Variants in NDEL1 observed in about 807,000 individuals in gnomAD.
NDEL1 encodes nudE neurodevelopment protein 1 like 1, also known as nuclear distribution protein nudE-like 1.
Under a neutral mutation model 45.7 loss-of-function variants are expected in NDEL1, and 9 were observed. The observed-to-expected ratio is 0.20, with a 90% CI of 0.12 to 0.34. The LOEUF (loss-of-function observed/expected upper bound fraction) is 0.34, where lower values mean the gene tolerates loss of function less well. Ranked by LOEUF, NDEL1 falls within the 10% of genes least tolerant of loss-of-function variation. The pLI, the probability that NDEL1 is intolerant of heterozygous loss-of-function variation, is 1.00. For synonymous variants in NDEL1, 133 were observed against 158.6 expected (o/e 0.84, Z 1.21); for missense variants, 306 against 406.2 (o/e 0.75, Z 2.12).
chr17:8,454,763 A>C (rs758518825), intron 6 of NDEL1, 33 bp from the exon 7 acceptor site: 1 of 1,539,284 alleles, frequency 6.5e-7, no homozygotes, highest in Non-Finnish European at 8.9e-7. Flanking sequence ...AGGGAACTGC[A>C]AGTGTAATCA....
chr17:8,466,779 C>G, intron 8 of NDEL1, 151 bp from the exon 9 acceptor site: 1 of 691,318 alleles, frequency 1.4e-6, no homozygotes, highest in Non-Finnish European at 2.4e-6. Flanking sequence ...TGGTGCTTTC[C>G]AGGCAGCCAG....
In NDEL1 at chr17:8,450,904, A is replaced by T. The variant is rs376389663; in HGVS notation, c.651A>T (p.Pro217=). ...DSAVQASLSL[P]ATPVGKGTEN... ...CCGTCCAAGCATCACTTTCTTTGCC[A>T]GCTACCCCTGTTGGCAAAGGAACGG... The change falls in exon 6 of 9, where the codon CCA becomes CCT. Residue 217 remains proline, a synonymous_variant. Coordinates refer to ENST00000334527, the MANE Select transcript of NDEL1 (RefSeq NM_030808.5). 7.4e-5 allele frequency: 119 copies of T among 1,612,628 alleles called. No homozygotes were observed. The highest frequency in any genetic ancestry group is 9.6e-5 in the Non-Finnish European group (113 of 1,179,546).
At chr17:8,450,542 A>T (rs912801356) in intron 5 of NDEL1, among the ~76,000 whole-genome samples, 1 of 152,202 alleles carries the variant, frequency 6.6e-6, no homozygotes, top group Non-Finnish European at 1.5e-5. Flanking sequence ...TTCTTTTTGC[A>T]TATAAGCATA....
At chr17:8,417,367 CTCTTTTTTCTTTT>C (rs1314156289) in intron 1 of NDEL1, among the ~76,000 whole-genome samples, 1 of 152,170 alleles carries the variant, frequency 6.6e-6, no homozygotes. Context: ...TGTGCGCAGC[CTCTTTTTTCTTTT>C]TCTTTTCCTG....
chr17:8,456,260 C>T (rs1160723042), intron 7 of NDEL1, among the ~76,000 whole-genome samples: 1 of 152,168 alleles, frequency 6.6e-6, no homozygotes, highest in African/African-American at 2.4e-5. Flanking sequence ...GTAAAGTGCA[C>T]AGGTCGTTCC....
chr17:8,423,073 C>T (rs1480675663), intron 1 of NDEL1, among the ~76,000 whole-genome samples: 1 of 152,168 alleles, frequency 6.6e-6, no homozygotes, highest in Non-Finnish European at 1.5e-5. Context: ...TGTTGTATCT[C>T]ATAGGGATGG....
At chr17:8,447,982 C>CGGGG (rs34891973) in intron 4 of NDEL1, among the ~76,000 whole-genome samples, 2 of 107,794 alleles carry the variant, frequency 1.9e-5, no homozygotes, top group African/African-American at 7.1e-5. Flanking sequence ...GGGAGGTGGG[C>CGGGG]GGGGGGGGGG....
At chr17:8,417,886 G>C (rs2151691937) in intron 1 of NDEL1, among the ~76,000 whole-genome samples, 1 of 152,332 alleles carries the variant, frequency 6.6e-6, no homozygotes, top group African/African-American at 2.4e-5. Flanking sequence ...GCTGGGGTGG[G>C]AGAGAAGTAG....
At chr17:8,433,944 A>C (rs1297751021), upstream of NDEL1, among the ~76,000 whole-genome samples, 1 of 152,164 alleles carries the variant, frequency 6.6e-6, no homozygotes, top group African/African-American at 2.4e-5. Context: ...CCCTTCTCTG[A>C]TCTTTATTGA....
intron 8 of NDEL1, chr17:8,464,130 A>C (rs1457604750): frequency 1.3e-5 from 2 of 151,892 alleles, no homozygotes; most frequent in Admixed American, 6.6e-5. Flanking sequence ...CCCCCTTTTC[A>C]CTTCTTCCAC....
Position 8,463,252 on chromosome 17 carries a change from AATTTTAGGGCGTGAT to A in NDEL1, c.944+3093_944+3107del, listed in dbSNP as rs1472684071. On this transcript the variant is annotated intron_variant, in intron 8 of 8. Transcript: ENST00000334527. The stretch of plus-strand genomic sequence containing the variant: ...GGCTGTGTGTAGGTGGGCATGGACT[AATTTTAGGGCGTGAT>A]GTGGAAATAGTATTCGTATTACTGT... The A allele has an allele frequency of 5.8e-5, 78 of 1,354,792 alleles. No homozygotes were observed. In the African/African-American group the frequency reaches 1.0e-3, roughly 18 times the overall value. 83.9% of individuals were successfully genotyped at this position (1,354,792 alleles called of 1,614,324 possible). A position where few individuals can be genotyped will look rare whatever the true frequency, so the allele number is the denominator to read the frequency against.
At chr17:8,431,383 C>A (rs1908995602), upstream of NDEL1, 2 of 152,304 alleles carry the variant, frequency 1.3e-5, no homozygotes, top group Non-Finnish European at 2.9e-5. Context: ...GAGTTTAAGC[C>A]CTAGCTCCTC....
intron 5 of NDEL1, among the ~76,000 whole-genome samples, chr17:8,449,014 G>C (rs898900087): frequency 6.6e-6 from 1 of 152,176 alleles, no homozygotes; most frequent in African/African-American, 2.4e-5. Context: ...ACGAAGTCTC[G>C]TACTTTCACC....
chr17:8,441,665 A>G (rs1239092969), intron 1 of NDEL1, among the ~76,000 whole-genome samples: 5 of 151,876 alleles, frequency 3.3e-5, no homozygotes, highest in Non-Finnish European at 7.4e-5. Flanking sequence ...AACCTCAAAT[A>G]TATCTAGCTT....
intron 1 of NDEL1, chr17:8,436,533 C>T (rs1909353942): frequency 6.6e-6 from 1 of 152,380 alleles, no homozygotes; most frequent in Non-Finnish European, 1.5e-5. Flanking sequence ...CGCGAGCAGC[C>T]CACGTTGGGC....
intron 1 of NDEL1, among the ~76,000 whole-genome samples, chr17:8,421,138 G>T (rs377563828): frequency 2.6e-5 from 4 of 152,266 alleles, no homozygotes; most frequent in Admixed American, 6.5e-5. Flanking sequence ...GTTAATGGAA[G>T]ATTTAAGCTA....
upstream of NDEL1, among the ~76,000 whole-genome samples, chr17:8,435,187 C>T (rs940415974): frequency 2.6e-5 from 4 of 152,190 alleles, no homozygotes; most frequent in Admixed American, 2.0e-4. Flanking sequence ...CACCCATACA[C>T]ACACGTACAC....
At chr17:8,416,287 C>T (rs778362938) in intron 1 of NDEL1, among the ~76,000 whole-genome samples, 7 of 152,148 alleles carry the variant, frequency 4.6e-5, no homozygotes, top group Non-Finnish European at 7.3e-5. Context: ...TCATACAGTA[C>T]TTGTCTGTTT....
At chr17:8,453,320 C>T (rs916878758) in intron 6 of NDEL1, among the ~76,000 whole-genome samples, 6 of 152,144 alleles carry the variant, frequency 3.9e-5, no homozygotes, top group Non-Finnish European at 7.3e-5. Flanking sequence ...CAAGTATTTT[C>T]GTTGCTGATT....
Sources: allele counts gnomAD v4.1 joint callset (sites outside exome capture counted in the v4.1 genomes callset), GRCh38; gene constraint gnomAD v4.1.1; transcripts MANE v1.5; gene names NCBI Gene and HGNC (gene_info 2026-07-23, HGNC 2026-07-21).